Variants in FARP1 observed in about 807,000 individuals in gnomAD.
The protein encoded by FARP1 is FERM, ARH/RhoGEF and pleckstrin domain protein 1.
In FARP1, 52 loss-of-function variants were observed where a neutral mutation model predicts 128.8. The observed-to-expected ratio is 0.40, with a 90% CI of 0.32 to 0.51. FARP1 has a LOEUF of 0.51. Ranked by LOEUF, FARP1 falls within the 20% of genes least tolerant of loss-of-function variation. The probability of loss-of-function intolerance (pLI) is 0.45; values close to 1 mark genes in which losing one functional copy is unlikely to be tolerated. For synonymous variants in FARP1, 580 were observed against 551.8 expected (o/e 1.05, Z -0.72); for missense variants, 1,333 against 1,367.9 (o/e 0.97, Z 0.40).
At chr13:98,418,001 A>T (rs1295527851) in intron 16 of FARP1, among the ~76,000 whole-genome samples, 3 of 152,210 alleles carry the variant, frequency 2.0e-5, no homozygotes, top group East Asian at 1.9e-4. Context: ...GTCCATTGAC[A>T]TGAGTGGCTA....
chr13:98,326,893 A>T (rs1887260025), intron 2 of FARP1, among the ~76,000 whole-genome samples: 1 of 152,206 alleles, frequency 6.6e-6, no homozygotes, highest in Non-Finnish European at 1.5e-5. Flanking sequence ...TTGACAGATG[A>T]CAGATCTGTT....
At position 98,368,139 on chromosome 13, in the gene FARP1, G is replaced by T. The variant is rs1352250371; in HGVS notation, c.342G>T (p.Lys114Asn). The T allele has an allele frequency of 6.2e-7, 1 of 1,613,834 alleles. No homozygotes were observed. Among genetic ancestry groups the T allele is most frequent in the African/African-American group, 1.3e-5 (1 of 74,898 alleles). ...QIRRPKHVVV[K>N]FVVKFFPPDH... Reference sequence around the variant, plus strand: ...TAGGGCCAAAGCACGTTGTTGTTAAGTTTGTGGTGAAATTCTTTCCGCCTG... The same window carrying T: ...TAGGGCCAAAGCACGTTGTTGTTAATTTTGTGGTGAAATTCTTTCCGCCTG... The change falls in exon 5 of 27, where the codon AAG (lysine) becomes AAT (asparagine). Residue 114 changes from lysine to asparagine, a missense_variant. Lys to Asn is a moderately conservative substitution (Grantham distance 94). Transcript: ENST00000319562.
intron 1 of FARP1, among the ~76,000 whole-genome samples, chr13:98,205,090 T>A (rs1594267000): frequency 6.6e-6 from 1 of 152,318 alleles, no homozygotes; most frequent in East Asian, 1.9e-4. Context: ...TAAAATTTTG[T>A]CCCCTCATAC....
chr13:98,396,294 G>A (rs1890543460), intron 13 of FARP1: 1 of 399,150 alleles, frequency 2.5e-6, no homozygotes, highest in East Asian at 3.6e-5. Context: ...AAGTGACCGA[G>A]GGCTCCACCA....
rs1882245243 is a variant in FARP1, at chr13:98,233,408, A to C, written c.171+19995A>C. The stretch of plus-strand genomic sequence containing the variant: ...GCTCCCCCACGTGAGAACTCTCCAG[A>C]ATGTGTGCTCTCGGTGAGCAGGTAG... On this transcript the variant is annotated intron_variant, in intron 2 of 26. Transcript: ENST00000319562. Among the ~76,000 whole-genome samples, 4 of 151,974 alleles carry C rather than the reference A, an allele frequency of 2.6e-5. No individual in the cohort carries two copies. The South Asian group carries it at 8.3e-4, about 32-fold the overall frequency.
chr13:98,364,204 G>C (rs778722980), intron 3 of FARP1, among the ~76,000 whole-genome samples: 1 of 152,188 alleles, frequency 6.6e-6, no homozygotes, highest in Non-Finnish European at 1.5e-5. Context: ...TGACTGGGTA[G>C]TACTTTTTAG....
At chr13:98,268,035 A>G (rs138859889) in intron 2 of FARP1, among the ~76,000 whole-genome samples, 264 of 152,344 alleles carry the variant, frequency 1.7e-3, no homozygotes, top group African/African-American at 6.2e-3. Context: ...ATACAGGCAC[A>G]TTGTTCGACC....
At chr13:98,431,373 G>T in intron 18 of FARP1, 93 bp downstream of exon 18, 1 of 772,820 alleles carries the variant, frequency 1.3e-6, no homozygotes, top group Middle Eastern at 3.8e-4. Context: ...GGCTCCCCGG[G>T]GAGAGAGGTC....
chr13:98,428,989 A>G (rs1466426806), intron 17 of FARP1, among the ~76,000 whole-genome samples: 3 of 152,210 alleles, frequency 2.0e-5, no homozygotes, highest in Non-Finnish European at 4.4e-5. Flanking sequence ...GGGCTGTACC[A>G]ATGTCAATTT....
chr13:98,327,964 C>T (rs531900394), intron 2 of FARP1, among the ~76,000 whole-genome samples: 3 of 152,190 alleles, frequency 2.0e-5, no homozygotes, highest in African/African-American at 7.2e-5. Context: ...ATTCATGAAA[C>T]GAGAACCATG....
intron 13 of FARP1, chr13:98,407,143 C>T (rs947107130): frequency 6.6e-6 from 1 of 152,636 alleles, no homozygotes; most frequent in Admixed American, 6.5e-5. Context: ...CATGCTCTCA[C>T]TTATAACTGC....
intron 1 of FARP1, among the ~76,000 whole-genome samples, chr13:98,162,091 T>C (rs375288602): frequency 1.4e-4 from 21 of 152,288 alleles, no homozygotes; most frequent in East Asian, 7.7e-4. Flanking sequence ...CCTGTCTCTT[T>C]CTTTTATCAT....
chr13:98,432,156 A>G (rs1393560839), intron 18 of FARP1: 2 of 152,402 alleles, frequency 1.3e-5, no homozygotes, highest in East Asian at 1.9e-4. Context: ...GAGGGAAATG[A>G]TTTGGAACCT....
At chr13:98,268,990 C>T (rs528581916) in intron 2 of FARP1, among the ~76,000 whole-genome samples, 45 of 152,202 alleles carry the variant, frequency 3.0e-4, no homozygotes, top group African/African-American at 1.1e-3. Flanking sequence ...CCTTGGCCTC[C>T]CAAAGTTCTG....
Position 98,438,859 on chromosome 13 carries a change from G to T in FARP1, c.2330G>T (p.Arg777Leu). 1.9e-6 allele frequency: 3 copies of T among 1,613,600 alleles called. No homozygotes were observed. The highest frequency in any genetic ancestry group is 2.5e-6 in the Non-Finnish European group (3 of 1,179,864). Residue 777 changes from arginine to leucine, a missense_variant, in exon 20 of 27, where the codon CGC becomes CTC. By Grantham distance (102) the Arg-to-Leu change is moderately radical. Coordinates refer to ENST00000319562, the MANE Select transcript of FARP1 (RefSeq NM_005766.4). ...CTCTCGGGGAAGGGGCTCCAGCAGC[G>T]CATGTTCTTCCTGGTGAGTGGAGAG... ...SKLSGKGLQQRMFFLFNDVLL... is the reference protein window; with the variant it reads ...SKLSGKGLQQLMFFLFNDVLL...
At chr13:98,348,226 T>C (rs1888260709) in intron 3 of FARP1, among the ~76,000 whole-genome samples, 1 of 152,246 alleles carries the variant, frequency 6.6e-6, no homozygotes, top group African/African-American at 2.4e-5. Flanking sequence ...TGGCCTGCTC[T>C]TGCCCTTGGC....
chr13:98,161,284 C>T (rs1270912997), intron 1 of FARP1, among the ~76,000 whole-genome samples: 1 of 149,122 alleles, frequency 6.7e-6, no homozygotes, highest in Non-Finnish European at 1.5e-5. Context: ...GGTGTGATCT[C>T]AGCTCACTGC....
chr13:98,279,056 T>C (rs1446160851), intron 2 of FARP1, among the ~76,000 whole-genome samples: 1 of 151,694 alleles, frequency 6.6e-6, no homozygotes, highest in East Asian at 1.9e-4. Context: ...AGGATGGTCT[T>C]GATCTCCTGA....
intron 24 of FARP1, among the ~76,000 whole-genome samples, chr13:98,444,281 G>A (rs924629942): frequency 2.0e-5 from 3 of 152,132 alleles, no homozygotes; most frequent in Non-Finnish European, 4.4e-5. Context: ...GAGACCCTGT[G>A]TCCATGTGAG....
Sources: gnomAD v4.1 joint callset for allele counts (sites outside exome capture counted in the v4.1 genomes callset) on GRCh38, gnomAD v4.1.1 for gene constraint, MANE v1.5 for transcripts, NCBI Gene and HGNC (gene_info 2026-07-23, HGNC 2026-07-21) for gene names.